Variants in ENOX1 observed in about 807,000 individuals in gnomAD.
ENOX1 encodes ecto-NOX disulfide-thiol exchanger 1, also known as candidate growth-related and time keeping constitutive hydroquinone (NADH) oxidase.
ENOX1 carries 42 observed loss-of-function variants against 82.5 expected under a neutral mutation model. The ratio of observed to expected loss-of-function variants is 0.51; its 90% CI spans 0.40 to 0.66. ENOX1 has a LOEUF of 0.66. ENOX1 is among the 30% of genes least tolerant of loss of function. The pLI is 0.00. For missense variants in ENOX1, 608 were observed against 811.6 expected, an observed-to-expected ratio of 0.75 and a Z score of 3.05; for synonymous variants, 271 against 282.2, an observed-to-expected ratio of 0.96 and a Z score of 0.40.
intron 2 of ENOX1, among the ~76,000 whole-genome samples, chr13:43,539,339 T>C (rs2078610238): frequency 6.6e-6 from 1 of 152,226 alleles, no homozygotes; most frequent in Non-Finnish European, 1.5e-5. Context: ...ATGGCATTAG[T>C]TGCATTTTAT....
intron 13 of ENOX1, among the ~76,000 whole-genome samples, chr13:43,268,990 A>C (rs1191929982): frequency 6.6e-6 from 1 of 152,218 alleles, no homozygotes; most frequent in Non-Finnish European, 1.5e-5. Context: ...CAGGTTTACA[A>C]ACTTCATATA....
At chr13:43,635,917 G>A (rs1414758702) in intron 2 of ENOX1, among the ~76,000 whole-genome samples, 7 of 152,130 alleles carry the variant, frequency 4.6e-5, no homozygotes, top group African/African-American at 1.2e-4. Flanking sequence ...AAGCCCTCTC[G>A]CACCAGTCAG....
In ENOX1 at chr13:43,688,721, T is replaced by A. The variant is rs550343113; in HGVS notation, c.-284-21177A>T. 1.7e-4 allele frequency among the ~76,000 whole-genome samples: 26 copies of A among 152,150 alleles called. No homozygotes were observed. In the South Asian group the frequency reaches 5.2e-3, roughly 30 times the overall value. On this transcript the variant is annotated intron_variant, in intron 1 of 16. Coordinates refer to ENST00000690772, the MANE Select transcript of ENOX1 (RefSeq NM_001347969.2). ...CAAGTATGTGAACTCAGCGTCTGGT[T>A]GTCCGGGGCTACTATTTGCAGAGAA... is the stretch of plus-strand genomic sequence containing the variant.
At chr13:43,369,796 G>T (rs1312436328) in intron 5 of ENOX1, among the ~76,000 whole-genome samples, 1 of 152,116 alleles carries the variant, frequency 6.6e-6, no homozygotes, top group East Asian at 1.9e-4. Flanking sequence ...TCTTCTTGCA[G>T]GACAGATTCA....
intron 3 of ENOX1, among the ~76,000 whole-genome samples, chr13:43,472,187 C>G (rs2058097637): frequency 6.6e-6 from 1 of 152,068 alleles, no homozygotes; most frequent in South Asian, 2.1e-4. Flanking sequence ...ATGTAAAAAA[C>G]AGTTCCTGGT....
rs181330612 is a variant in ENOX1, at chr13:43,634,007, A to G, written c.-219+33472T>C. Among the ~76,000 whole-genome samples, 364 of 152,250 alleles carry G rather than the reference A, an allele frequency of 2.4e-3. 13 individuals are homozygous for G. The East Asian group carries it at 0.066, about 27-fold the overall frequency. On this transcript the variant is annotated intron_variant, in intron 2 of 16. Transcript: ENST00000690772. ...TTAAAAGCAACACCTACTTACTATT[A>G]ATATCACCTTTACCTGGATCACCAC...
At chr13:43,671,487 C>T (rs2085264627) in intron 1 of ENOX1, among the ~76,000 whole-genome samples, 1 of 152,176 alleles carries the variant, frequency 6.6e-6, no homozygotes, top group Non-Finnish European at 1.5e-5. Context: ...AAAACTACAG[C>T]AGCCTAGAAT....
intron 5 of ENOX1, among the ~76,000 whole-genome samples, chr13:43,371,908 ACTGAT>A (rs1187004037): frequency 3.9e-5 from 6 of 152,314 alleles, no homozygotes; most frequent in African/African-American, 1.4e-4. Flanking sequence ...TAAATCATAG[ACTGAT>A]CTAATATTAA....
At chr13:43,359,747 C>T in intron 7 of ENOX1, 104 bp downstream of exon 7, 1 of 1,113,904 alleles carries the variant, frequency 9.0e-7, no homozygotes, top group Non-Finnish European at 1.3e-6. Flanking sequence ...CAGCCCCAAA[C>T]TATGAAGACT....
chr13:43,356,240 C>T (rs1336244167), intron 7 of ENOX1, 88 bp from the exon 8 acceptor site: 2 of 1,130,114 alleles, frequency 1.8e-6, no homozygotes, highest in South Asian at 1.5e-5. Flanking sequence ...TAGGCAAATG[C>T]TCACTTATTT....
chr13:43,714,676 C>T (rs2153815384), intron 1 of ENOX1, among the ~76,000 whole-genome samples: 2 of 152,278 alleles, frequency 1.3e-5, no homozygotes, highest in Middle Eastern at 3.4e-3. Context: ...TAATGGCCTT[C>T]TTTGTCTCTT....
intron 2 of ENOX1, among the ~76,000 whole-genome samples, chr13:43,513,959 A>T (rs1426828732): frequency 6.6e-6 from 1 of 152,170 alleles, no homozygotes; most frequent in East Asian, 1.9e-4. Context: ...TGAAATGTAT[A>T]TATTAATGCA....
At chr13:43,264,834 G>C (rs1467380381) in intron 14 of ENOX1, among the ~76,000 whole-genome samples, 2 of 152,168 alleles carry the variant, frequency 1.3e-5, no homozygotes, top group African/African-American at 4.8e-5. Context: ...GGATATTCAA[G>C]GAACACTAAG....
chr13:43,223,843 T>C (rs1249861047), intron 16 of ENOX1, among the ~76,000 whole-genome samples: 1 of 152,214 alleles, frequency 6.6e-6, no homozygotes, highest in East Asian at 1.9e-4. Flanking sequence ...CATTGTCATT[T>C]TAGATAACTG....
chr13:43,475,634 T>C (rs2058246041), intron 3 of ENOX1, among the ~76,000 whole-genome samples: 1 of 151,948 alleles, frequency 6.6e-6, no homozygotes, highest in African/African-American at 2.4e-5. Flanking sequence ...AATTTCCAGA[T>C]ATGGAAGGGA....
intron 2 of ENOX1, among the ~76,000 whole-genome samples, chr13:43,628,170 T>C (rs929544782): frequency 2.6e-5 from 4 of 152,202 alleles, no homozygotes; most frequent in African/African-American, 9.6e-5. Context: ...TCAGCCATTA[T>C]ATCTTCAGGT....
intron 13 of ENOX1, among the ~76,000 whole-genome samples, chr13:43,267,224 A>G (rs2044429782): frequency 6.6e-6 from 1 of 152,098 alleles, no homozygotes; most frequent in Admixed American, 6.5e-5. Context: ...ACTCTCCCCC[A>G]GGTAGGGCTG....
chr13:43,770,823 G>A (rs558672682), intron 1 of ENOX1, among the ~76,000 whole-genome samples: 22 of 150,136 alleles, frequency 1.5e-4, no homozygotes, highest in East Asian at 1.2e-3. Flanking sequence ...GTGTTTACCC[G>A]GGTGCAACAA....
intron 8 of ENOX1, among the ~76,000 whole-genome samples, chr13:43,347,445 G>A (rs2049463257): frequency 1.3e-5 from 2 of 152,114 alleles, no homozygotes; most frequent in African/African-American, 4.8e-5. Context: ...TTGATGTACT[G>A]ACATTCAAAT....
Sources: allele counts gnomAD v4.1 joint callset (sites outside exome capture counted in the v4.1 genomes callset), GRCh38; gene constraint gnomAD v4.1.1; transcripts MANE v1.5; gene names NCBI Gene and HGNC (gene_info 2026-07-23, HGNC 2026-07-21).